Variants in C2orf78 observed in about 807,000 individuals in gnomAD.
C2orf78 encodes the protein uncharacterized protein C2orf78.
C2orf78 carries 12 observed loss-of-function variants against 21.4 expected under a neutral mutation model. The observed-to-expected ratio is 0.56, with a 90% CI of 0.36 to 0.91. C2orf78 has a LOEUF of 0.91. C2orf78 is among the 40% of genes least tolerant of loss of function. C2orf78 has a pLI of 0.01. For missense variants in C2orf78, 1,042 were observed against 1,092.4 expected, an observed-to-expected ratio of 0.95 and a Z score of 0.65; for synonymous variants, 396 against 413.9, an observed-to-expected ratio of 0.96 and a Z score of 0.52.
chr2:73,816,294 G>T (rs373772242), exon 3 of C2orf78: 30 of 1,613,810 alleles, frequency 1.9e-5, no homozygotes, highest in Non-Finnish European at 2.5e-5. Flanking sequence ...TCAAGTCAAG[G>T]CCCAGAAACT....
chr2:73,815,448 G>A (rs1295180211), exon 3 of C2orf78: 11 of 1,613,770 alleles, frequency 6.8e-6, no homozygotes, highest in Middle Eastern at 1.6e-4. Context: ...TGGCCAAGAG[G>A]AGCAGCCTGG....
chr2:73,812,995 G>A (rs901545617), intron 1 of C2orf78, among the ~76,000 whole-genome samples: 4 of 152,168 alleles, frequency 2.6e-5, no homozygotes, highest in African/African-American at 9.7e-5. Context: ...TCAGAGAAAA[G>A]ACTCCTGGCA....
intron 1 of C2orf78, among the ~76,000 whole-genome samples, chr2:73,786,042 G>A (rs551603624): frequency 7.3e-5 from 11 of 151,302 alleles, no homozygotes; most frequent in African/African-American, 1.2e-4. Flanking sequence ...GGGAAACTCC[G>A]CTTCAAAAAG....
chr2:73,815,576 TTA>T lies in C2orf78; in HGVS notation c.1354_1355del (p.Tyr452ProfsTer12). On this transcript the variant is annotated frameshift_variant, in exon 3 of 3. Transcript: ENST00000409561. LOFTEE classifies it low-confidence loss of function (END_TRUNC). ...ACATCACTACATGGGTGGAGGATAC[TTA>T]CCTCCCCCCGATCTTCAGTTCCTTA... 1 of 1,613,932 alleles carries T rather than the reference TTA, an allele frequency of 6.2e-7. No individual in the cohort carries two copies. Among genetic ancestry groups the T allele is most frequent in the South Asian group, 1.1e-5 (1 of 91,080 alleles).
At chr2:73,816,660 T>C (rs1673207691) in exon 3 of C2orf78, 1 of 1,613,994 alleles carries the variant, frequency 6.2e-7, no homozygotes, top group Non-Finnish European at 8.5e-7. Flanking sequence ...TTCTAGGCCA[T>C]CAGCCTACAA....
intron 1 of C2orf78, among the ~76,000 whole-genome samples, chr2:73,807,455 G>A (rs1212424007): frequency 2.4e-4 from 3 of 12,364 alleles, no homozygotes; most frequent in African/African-American, 1.4e-3. Flanking sequence ...CCTCTTATGT[G>A]AGAAGAAAGA....
At position 73,814,235 on chromosome 2, in the gene C2orf78, A is replaced by C; in HGVS notation, c.847+9A>C. 4 of 1,544,182 alleles carry C rather than the reference A, an allele frequency of 2.6e-6. No individual in the cohort carries two copies. Among genetic ancestry groups the C allele is most frequent in the Non-Finnish European group, 3.5e-6 (4 of 1,144,298 alleles). On this transcript the variant is annotated intron_variant, in intron 2 of 2. Transcript: ENST00000409561. ...AGAAACCAGTGTTCAAGGTGAGTAC[A>C]AACATCAAGAAAGGAGAGGAATAAT...
At chr2:73,816,651 T>C (rs751862357) in exon 3 of C2orf78, 1 of 1,613,902 alleles carries the variant, frequency 6.2e-7, no homozygotes, top group South Asian at 1.1e-5. Flanking sequence ...ATCTGCTGCT[T>C]CTAGGCCATC....
intron 1 of C2orf78, among the ~76,000 whole-genome samples, chr2:73,812,282 C>G (rs1673104955): frequency 6.6e-6 from 1 of 152,172 alleles, no homozygotes; most frequent in South Asian, 2.1e-4. Flanking sequence ...ATGCTAGCTA[C>G]ATACCCCAAT....
At chr2:73,815,961 A>T (rs1285069277) in exon 3 of C2orf78, 1 of 1,613,862 alleles carries the variant, frequency 6.2e-7, no homozygotes, top group Non-Finnish European at 8.5e-7. Flanking sequence ...CAGAAAGAAC[A>T]GCTCCAAGAA....
At chr2:73,814,585 G>T (rs1673155178) in intron 2 of C2orf78, among the ~76,000 whole-genome samples, 1 of 152,160 alleles carries the variant, frequency 6.6e-6, no homozygotes, top group Non-Finnish European at 1.5e-5. Context: ...TTTTGGCGGT[G>T]ACATTTTGAT....
At chr2:73,809,924 C>T (rs1229817841) in intron 1 of C2orf78, among the ~76,000 whole-genome samples, 1 of 151,900 alleles carries the variant, frequency 6.6e-6, no homozygotes, top group East Asian at 1.9e-4. Context: ...TTAATTAAAG[C>T]AGAAAGACAG....
chr2:73,810,343 C>T (rs1673053752), intron 1 of C2orf78, among the ~76,000 whole-genome samples: 1 of 151,770 alleles, frequency 6.6e-6, no homozygotes, highest in South Asian at 2.1e-4. Context: ...GCCTGACCAA[C>T]ATGGAGAAAC....
chr2:73,812,413 A>T (rs926190604), intron 1 of C2orf78, among the ~76,000 whole-genome samples: 2 of 152,130 alleles, frequency 1.3e-5, no homozygotes, highest in Non-Finnish European at 2.9e-5. Flanking sequence ...TATCACTTTT[A>T]TTCATGTATG....
chr2:73,808,684 C>T (rs1673008175), intron 1 of C2orf78: 2 of 1,470,666 alleles, frequency 1.4e-6, no homozygotes, highest in South Asian at 1.2e-5. Context: ...CATCATTCTC[C>T]CACCAAACCA....
intron 1 of C2orf78, among the ~76,000 whole-genome samples, chr2:73,810,026 A>G (rs1294327007): frequency 6.6e-6 from 1 of 152,172 alleles, no homozygotes; most frequent in Non-Finnish European, 1.5e-5. Flanking sequence ...AAAAAAAAGC[A>G]AAAGGACAAC....
chr2:73,813,512 A>G, exon 2 of C2orf78: 1 of 1,611,020 alleles, frequency 6.2e-7, no homozygotes, highest in Non-Finnish European at 8.5e-7. Context: ...TGGAACTGCA[A>G]ATTCTCGGCA....
At chr2:73,810,644 TTA>T (rs1673065038) in intron 1 of C2orf78, among the ~76,000 whole-genome samples, 2 of 136,344 alleles carry the variant, frequency 1.5e-5, no homozygotes, top group African/African-American at 2.8e-5. Context: ...TATGTATATT[TTA>T]TGTATATATC....
At chr2:73,808,302 A>G (rs1357030044) in intron 1 of C2orf78, among the ~76,000 whole-genome samples, 2 of 151,072 alleles carry the variant, frequency 1.3e-5, no homozygotes, top group African/African-American at 4.9e-5. Flanking sequence ...CATTAATCAG[A>G]TTCACTGAAA....
Sources: gnomAD v4.1 joint callset for allele counts (sites outside exome capture counted in the v4.1 genomes callset) on GRCh38, gnomAD v4.1.1 for gene constraint, MANE v1.5 for transcripts, NCBI Gene and HGNC (gene_info 2026-07-23, HGNC 2026-07-21) for gene names.